FHIT: variants seen among roughly 807,000 people sequenced by gnomAD.
The protein encoded by FHIT is bis(5'-adenosyl)-triphosphatase.
In FHIT, 19 loss-of-function variants were observed where a neutral mutation model predicts 17.9. That is an observed-to-expected ratio of 1.06 (90% CI 0.74 to 1.56). FHIT has a LOEUF of 1.56. Among genes scored for constraint, FHIT ranks in the 40% most tolerant of loss-of-function variants. The pLI is 0.00. For synonymous variants in FHIT, 81 were observed against 69.7 expected (o/e 1.16, Z -0.81); for missense variants, 248 against 189.2 (o/e 1.31, Z -1.82).
intron 4 of FHIT, among the ~76,000 whole-genome samples, chr3:60,757,191 T>G (rs1553718513): frequency 6.6e-6 from 1 of 152,150 alleles, no homozygotes; most frequent in Non-Finnish European, 1.5e-5. Flanking sequence ...TAAGCTATTT[T>G]TTCACTATTG....
intron 8 of FHIT, among the ~76,000 whole-genome samples, chr3:59,816,753 T>G (rs966146139): frequency 6.6e-6 from 1 of 152,230 alleles, no homozygotes; most frequent in African/African-American, 2.4e-5. Flanking sequence ...TGAACGATCT[T>G]ATCCCCTCTC....
chr3:60,218,884 T>TAC, intron 5 of FHIT, among the ~76,000 whole-genome samples: 1 of 149,188 alleles, frequency 6.7e-6, no homozygotes, highest in Non-Finnish European at 1.5e-5. Flanking sequence ...TACATACATA[T>TAC]ATACATACAT....
At chr3:61,127,429 G>A (rs568807291) in intron 2 of FHIT, among the ~76,000 whole-genome samples, 1 of 152,188 alleles carries the variant, frequency 6.6e-6, no homozygotes, top group Non-Finnish European at 1.5e-5. Flanking sequence ...AAAATCAAAT[G>A]TTAATTGGCA....
intron 5 of FHIT, among the ~76,000 whole-genome samples, chr3:60,094,331 AT>A (rs926214694): frequency 6.6e-6 from 1 of 152,122 alleles, no homozygotes; most frequent in African/African-American, 2.4e-5. Context: ...CACTGAATAT[AT>A]TTTGGGATGA....
intron 3 of FHIT, among the ~76,000 whole-genome samples, chr3:60,834,814 G>A (rs989080756): frequency 2.0e-5 from 3 of 150,222 alleles, no homozygotes; most frequent in South Asian, 2.1e-4. Context: ...GCAGTGAGCC[G>A]AGATCGTGCC....
chr3:60,834,579 C>T (rs1702459999), intron 3 of FHIT, among the ~76,000 whole-genome samples: 1 of 151,876 alleles, frequency 6.6e-6, no homozygotes, highest in Non-Finnish European at 1.5e-5. Context: ...GGGTCTTAGG[C>T]CGGGCGTGGT....
At chr3:59,936,728 A>G (rs1414730194) in intron 7 of FHIT, among the ~76,000 whole-genome samples, 1 of 152,158 alleles carries the variant, frequency 6.6e-6, no homozygotes, top group Non-Finnish European at 1.5e-5. Flanking sequence ...TGTCCTGTTA[A>G]AGGGACAGGA....
intron 5 of FHIT, among the ~76,000 whole-genome samples, chr3:60,194,257 G>C (rs1357711681): frequency 6.6e-6 from 1 of 152,120 alleles, no homozygotes; most frequent in East Asian, 1.9e-4. Context: ...CAATGGAACA[G>C]AATAGGGAAC....
In FHIT at chr3:61,242,553, G is replaced by A. The variant is rs13086168; in HGVS notation, c.-213+8748C>T. ...ACCACCCAACAGGTTCATTTTGCCT[G>A]CTGCCCAGATGGTTTATCCAGAGAG... On this transcript the variant is annotated intron_variant, in intron 1 of 9. Transcript: ENST00000492590. Among the ~76,000 whole-genome samples, 1,484 of 152,274 alleles carry A rather than the reference G, an allele frequency of 9.7e-3. 14 individuals carry two copies. The highest frequency in any genetic ancestry group is 0.027 in the Middle Eastern group (8 of 294).
At chr3:60,641,840 A>AGTTTCCGC (rs1553685373) in intron 4 of FHIT, among the ~76,000 whole-genome samples, 1 of 152,090 alleles carries the variant, frequency 6.6e-6, no homozygotes, top group Non-Finnish European at 1.5e-5. Flanking sequence ...AGAGAAATAA[A>AGTTTCCGC]CTATTTTCAG....
intron 8 of FHIT, among the ~76,000 whole-genome samples, chr3:59,779,056 T>G (rs1019302699): frequency 2.0e-5 from 3 of 152,160 alleles, no homozygotes; most frequent in African/African-American, 7.2e-5. Flanking sequence ...CACTACTGAT[T>G]ACTTGTACTG....
At chr3:59,823,184 G>C (rs1323580592) in intron 8 of FHIT, among the ~76,000 whole-genome samples, 2 of 152,060 alleles carry the variant, frequency 1.3e-5, no homozygotes, top group Non-Finnish European at 2.9e-5. Flanking sequence ...ATGCTGTTTT[G>C]GTGACTATGG....
At chr3:60,388,228 A>C (rs1386977891) in intron 5 of FHIT, among the ~76,000 whole-genome samples, 1 of 152,166 alleles carries the variant, frequency 6.6e-6, no homozygotes, top group Non-Finnish European at 1.5e-5. Context: ...AAATAAGCAC[A>C]CAAATGGTAT....
At chr3:60,695,857 G>A (rs545194781) in intron 4 of FHIT, among the ~76,000 whole-genome samples, 1 of 152,168 alleles carries the variant, frequency 6.6e-6, no homozygotes, top group Non-Finnish European at 1.5e-5. Flanking sequence ...GGGTTGTTGT[G>A]AGAATTAAAG....
chr3:59,796,683 T>C (rs1699791124), intron 8 of FHIT, among the ~76,000 whole-genome samples: 2 of 152,306 alleles, frequency 1.3e-5, no homozygotes. Flanking sequence ...GAGGGTTCAA[T>C]TTCTATGTCA....
At chr3:60,510,328 A>C (rs1205467544) in intron 5 of FHIT, among the ~76,000 whole-genome samples, 1 of 152,200 alleles carries the variant, frequency 6.6e-6, no homozygotes, top group Admixed American at 6.5e-5. Context: ...CAAGCCCAAA[A>C]AAGGCCAATT....
At chr3:60,568,414 A>G (rs1307252526) in intron 4 of FHIT, among the ~76,000 whole-genome samples, 1 of 151,592 alleles carries the variant, frequency 6.6e-6, no homozygotes, top group African/African-American at 2.4e-5. Flanking sequence ...CAATGAGAAC[A>G]CATGGACACA....
At chr3:60,543,199 C>T (rs943683557) in intron 4 of FHIT, among the ~76,000 whole-genome samples, 1 of 152,116 alleles carries the variant, frequency 6.6e-6, no homozygotes, top group African/African-American at 2.4e-5. Context: ...TATGAGTAGG[C>T]GTGGCTGTGC....
At chr3:60,709,059 A>G (rs563018233) in intron 4 of FHIT, among the ~76,000 whole-genome samples, 1 of 152,296 alleles carries the variant, frequency 6.6e-6, no homozygotes, top group Admixed American at 6.5e-5. Flanking sequence ...TTTTGGTCTC[A>G]GGATCCATTT....
Sources: gnomAD v4.1 joint callset for allele counts (sites outside exome capture counted in the v4.1 genomes callset) on GRCh38, gnomAD v4.1.1 for gene constraint, MANE v1.5 for transcripts, NCBI Gene and HGNC (gene_info 2026-07-23, HGNC 2026-07-21) for gene names.